The following DCAF8L2 variants were observed in gnomAD, a reference collection of about 807,000 sequenced individuals.
The protein encoded by DCAF8L2 is DDB1 and CUL4 associated factor 8 like 2, also known as DDB1- and CUL4-associated factor 8-like protein 2.
For missense variants in DCAF8L2, 430 were observed against 490.7 expected (o/e 0.88, Z 1.17); for synonymous variants, 200 against 190.9 (o/e 1.05, Z -0.39).
the DCAF8L2 span, among the ~76,000 whole-genome samples, chrX:27,488,554 TGTGTGTGTGC>T: frequency 0.046 from 3,832 of 83,383 alleles, 81 homozygotes; most frequent in Middle Eastern, 0.081. Context: ...TGTGTGTGTG[TGTGTGTGTGC>T]GCTTTCATAT....
the DCAF8L2 span, among the ~76,000 whole-genome samples, chrX:27,569,170 A>G: frequency 9.0e-6 from 1 of 111,351 alleles, no homozygotes; most frequent in African/African-American, 3.3e-5. Context: ...TCTATAATAC[A>G]TACTACCAAT....
the DCAF8L2 span, among the ~76,000 whole-genome samples, chrX:27,567,052 A>T: frequency 9.0e-6 from 1 of 111,469 alleles, no homozygotes; most frequent in East Asian, 2.8e-4. Context: ...CTGTTAATTT[A>T]GTTAATTTAA....
chrX:27,615,944 G>C (rs1382930163), intron 1 of DCAF8L2, among the ~76,000 whole-genome samples: 2 of 110,769 alleles, frequency 1.8e-5, no homozygotes, highest in Non-Finnish European at 3.8e-5. Context: ...TTAAAAAATA[G>C]AGAAGATAAT....
intron 1 of DCAF8L2, among the ~76,000 whole-genome samples, chrX:27,620,267 C>A (rs1173496525): frequency 9.0e-6 from 1 of 111,340 alleles, no homozygotes; most frequent in East Asian, 2.8e-4. Flanking sequence ...TAAAAAATGC[C>A]TTTGAACTTT....
chrX:27,696,330 GAAAA>G (rs1199735889), intron 3 of DCAF8L2, among the ~76,000 whole-genome samples: 726 of 32,722 alleles, frequency 0.022, 8 homozygotes, highest in African/African-American at 0.099. Flanking sequence ...AAGAAAGAAA[GAAAA>G]AGAAAGAAAG....
At chrX:27,732,600 T>A (rs1347818358) in intron 4 of DCAF8L2, among the ~76,000 whole-genome samples, 1 of 110,618 alleles carries the variant, frequency 9.0e-6, no homozygotes, top group Non-Finnish European at 1.9e-5. Flanking sequence ...AACACATATA[T>A]ACACTCTATC....
chrX:27,626,161 C>T (rs1927997947), intron 1 of DCAF8L2, among the ~76,000 whole-genome samples: 1 of 111,417 alleles, frequency 9.0e-6, no homozygotes, highest in South Asian at 3.8e-4. Flanking sequence ...GGAGTAGCTA[C>T]CAAGGGGAAT....
At chrX:27,696,355 T>C (rs1449678352) in intron 3 of DCAF8L2, among the ~76,000 whole-genome samples, 2 of 104,507 alleles carry the variant, frequency 1.9e-5, no homozygotes, top group South Asian at 8.6e-4. Flanking sequence ...AGAAAGAAAA[T>C]TGAAATGGAA....
chrX:27,693,882 A>C (rs187177985), intron 3 of DCAF8L2, among the ~76,000 whole-genome samples: 1 of 112,065 alleles, frequency 8.9e-6, no homozygotes, highest in Non-Finnish European at 1.9e-5. Flanking sequence ...AAGGAGGATA[A>C]ATCAAACTAC....
At chrX:27,740,724 T>G (rs1921797067) in intron 4 of DCAF8L2, among the ~76,000 whole-genome samples, 1 of 111,989 alleles carries the variant, frequency 8.9e-6, no homozygotes, top group South Asian at 3.7e-4. Flanking sequence ...AAGGATCTAT[T>G]TCTCTTTTCA....
chrX:27,749,446 A>G lies in DCAF8L2; in HGVS notation c.*655A>G, dbSNP rs1334332357. Among the ~76,000 whole-genome samples, 1 of 112,230 alleles carries G rather than the reference A, an allele frequency of 8.9e-6. No individual in the cohort carries two copies. The highest frequency in any genetic ancestry group is 3.2e-5 in the African/African-American group (1 of 30,873). On this transcript the variant is annotated 3_prime_UTR_variant, in exon 5 of 5. Transcript: ENST00000451261. Reference sequence around the variant, plus strand: ...ACTATGTAGATTAATTCCTAACCAGATAATTCATCTCCTTAGAATAAATAA... The same window carrying G: ...ACTATGTAGATTAATTCCTAACCAGGTAATTCATCTCCTTAGAATAAATAA...
the DCAF8L2 span, chrX:27,518,784 T>C: frequency 2.7e-6 from 1 of 374,707 alleles, no homozygotes; most frequent in Non-Finnish European, 4.8e-6. Context: ...AGAATAAAAA[T>C]AAAAAGGGAA....
At chrX:27,576,719 A>T in the DCAF8L2 span, among the ~76,000 whole-genome samples, 3 of 112,346 alleles carry the variant, frequency 2.7e-5, no homozygotes, top group African/African-American at 6.5e-5. Flanking sequence ...ATAGTGAGTT[A>T]TAAAAAGTAA....
At chrX:27,568,686 T>TA in the DCAF8L2 span, among the ~76,000 whole-genome samples, 1 of 109,291 alleles carries the variant, frequency 9.1e-6, no homozygotes, top group Non-Finnish European at 1.9e-5. Context: ...CTTTTTTTTT[T>TA]ATACTTTAAG....
Position 27,629,067 on chromosome X carries a change from TTTG to T in DCAF8L2, c.-341-2802_-341-2800del, listed in dbSNP as rs758841228. 1.7e-4 allele frequency among the ~76,000 whole-genome samples: 19 copies of T among 111,860 alleles called. No homozygotes were observed. In the East Asian group the frequency reaches 5.3e-3, roughly 31 times the overall value. ...TTAGCCCATTTTTTAAACTGGGTTGTTTGTTGTTGTTGCAGTTGAATTGTATGA... is the reference window on the plus strand; with the variant it reads ...TTAGCCCATTTTTTAAACTGGGTTGTTTGTTGTTGCAGTTGAATTGTATGA... On this transcript the variant is annotated intron_variant, in intron 1 of 4. Coordinates refer to ENST00000451261, the MANE Select transcript of DCAF8L2 (RefSeq NM_001353450.2).
At chrX:27,574,701 G>C in the DCAF8L2 span, among the ~76,000 whole-genome samples, 6 of 111,841 alleles carry the variant, frequency 5.4e-5, no homozygotes, top group Admixed American at 5.7e-4. Context: ...CAGGACCAGA[G>C]GTCTTACTGA....
intron 3 of DCAF8L2, among the ~76,000 whole-genome samples, chrX:27,715,561 G>A (rs1489385487): frequency 1.8e-5 from 2 of 111,381 alleles, no homozygotes; most frequent in East Asian, 5.6e-4. Context: ...ATAGAAATCA[G>A]TAATACCCAC....
intron 1 of DCAF8L2, 29 bp from the exon 2 acceptor site, chrX:27,631,850 C>T (rs1171675948): frequency 8.9e-6 from 1 of 112,015 alleles, no homozygotes; most frequent in African/African-American, 3.2e-5. Flanking sequence ...ACACTTCCCT[C>T]TCAGAACTAC....
chrX:27,707,341 G>A (rs746376151), intron 3 of DCAF8L2, among the ~76,000 whole-genome samples: 1 of 111,748 alleles, frequency 8.9e-6, no homozygotes, highest in South Asian at 3.7e-4. Context: ...TAGGGATGAA[G>A]TTTCCTGATA....
Sources: allele counts gnomAD v4.1 joint callset (sites outside exome capture counted in the v4.1 genomes callset), GRCh38; gene constraint gnomAD v4.1.1; transcripts MANE v1.5; gene names NCBI Gene and HGNC (gene_info 2026-07-23, HGNC 2026-07-21).